The following C1orf141 variants were observed in gnomAD, a reference collection of about 807,000 sequenced individuals.
C1orf141 encodes uncharacterized protein C1orf141.
Under a neutral mutation model 23.2 loss-of-function variants are expected in C1orf141, and 19 were observed. That is an observed-to-expected ratio of 0.82 (90% confidence interval 0.57 to 1.20). C1orf141 has a LOEUF of 1.20. Among genes scored for constraint, C1orf141 ranks in the 50% most tolerant of loss-of-function variants. The pLI is 0.00. For missense variants in C1orf141, 469 were observed against 455.1 expected (o/e 1.03, Z -0.28); for synonymous variants, 153 against 154.6 (o/e 0.99, Z 0.08).
Position 67,093,591 on chromosome 1 carries a change from G to C in C1orf141, c.617C>G (p.Thr206Arg). ...TGTGTCATGGAAAATTATGGGATTT[G>C]TGTCCTTTTGTTCCTGTAGATTAAA... The part of the protein sequence containing the change: ...TVTSHMEQKD[T>R]NPIIFHDTEY... Residue 206 changes from threonine (T) to arginine (R), a missense_variant, in exon 8 of 8, where the codon ACA becomes AGA. Coordinates refer to ENST00000684719, the MANE Select transcript of C1orf141 (RefSeq NM_001276351.2). The C allele has an allele frequency of 1.3e-6, 2 of 1,563,334 alleles. No individual in the cohort carries two copies. The highest frequency in any genetic ancestry group is 1.7e-6 in the Non-Finnish European group (2 of 1,156,144).
intron 4 of C1orf141, chr1:67,123,745 T>C (rs1212093769): frequency 6.6e-6 from 1 of 152,180 alleles, no homozygotes; most frequent in Non-Finnish European, 1.5e-5. Context: ...GAGTCTGAGA[T>C]TTGACCCTAC....
chr1:67,134,094 C>T (rs1646557361), intron 1 of C1orf141, among the ~76,000 whole-genome samples: 1 of 152,196 alleles, frequency 6.6e-6, no homozygotes, highest in South Asian at 2.1e-4. Context: ...ACCTCCGCCT[C>T]CCAGGTTCAA....
chr1:67,118,249 AGCAAGAGATTCTTTTAG>A (rs1646233727), intron 4 of C1orf141, among the ~76,000 whole-genome samples: 1 of 152,192 alleles, frequency 6.6e-6, no homozygotes, highest in Non-Finnish European at 1.5e-5. Context: ...CAATACTTGG[AGCAAGAGATTCTTTTAG>A]GCCTTCAAAT....
intron 5 of C1orf141, among the ~76,000 whole-genome samples, chr1:67,113,973 CA>C (rs1334482211): frequency 6.6e-6 from 1 of 152,110 alleles, no homozygotes; most frequent in Non-Finnish European, 1.5e-5. Flanking sequence ...CCCAACATGC[CA>C]AGCCACTTTT....
At chr1:67,095,584 T>C (rs950051531) in intron 6 of C1orf141, 163 bp from the exon 7 acceptor site, 40 of 509,692 alleles carry the variant, frequency 7.8e-5, no homozygotes, top group Non-Finnish European at 3.4e-5. Flanking sequence ...GCCTGGTTTG[T>C]GGGAGAAAAC....
intron 4 of C1orf141, among the ~76,000 whole-genome samples, chr1:67,120,466 C>T (rs1030256249): frequency 1.3e-5 from 2 of 152,092 alleles, no homozygotes; most frequent in Non-Finnish European, 2.9e-5. Context: ...GGGTGGAATT[C>T]TACAGACTGA....
At chr1:67,100,913 C>T (rs1645782811) in intron 5 of C1orf141, among the ~76,000 whole-genome samples, 1 of 152,144 alleles carries the variant, frequency 6.6e-6, no homozygotes, top group African/African-American at 2.4e-5. Flanking sequence ...AAGTTTATTT[C>T]TGGGCACTGT....
rs909017630 is a variant in C1orf141, at chr1:67,111,718, C to G, written c.346+3634G>C. 36 of 569,590 alleles carry G rather than the reference C, an allele frequency of 6.3e-5. No individual in the cohort carries two copies. In the Admixed American group the frequency reaches 1.5e-3, roughly 23 times the overall value. 35.3% of individuals were successfully genotyped at this position (569,590 alleles called of 1,614,324 possible). A position where few individuals can be genotyped will look rare whatever the true frequency, so the allele number is the denominator to read the frequency against. ...TAAACCCAATCAACCATTTTCTCCA[C>G]TGCAGTAAACTTTTAAGAAATGTAA... On this transcript the variant is annotated intron_variant, in intron 5 of 7. Coordinates refer to ENST00000684719, the MANE Select transcript of C1orf141 (RefSeq NM_001276351.2).
intron 7 of C1orf141, chr1:67,094,402 A>G (rs72933963): frequency 0.1 from 15,308 of 152,286 alleles, 1,230 homozygotes; most frequent in African/African-American, 0.22. Flanking sequence ...AACCATGTTT[A>G]TCAGCTTCTT....
At chr1:67,096,413 C>A in intron 5 of C1orf141, 92 bp from the exon 6 acceptor site, 2 of 691,126 alleles carry the variant, frequency 2.9e-6, no homozygotes, top group South Asian at 1.9e-5. Context: ...TTTAAAATAA[C>A]ATATGGAAAG....
chr1:67,117,005 T>C (rs1646206673), intron 4 of C1orf141, among the ~76,000 whole-genome samples: 2 of 152,242 alleles, frequency 1.3e-5, no homozygotes, highest in South Asian at 4.1e-4. Context: ...TTTAGTTTAT[T>C]ATCTCTCTCC....
At chr1:67,129,673 A>T (rs997721506) in intron 2 of C1orf141, among the ~76,000 whole-genome samples, 5 of 152,194 alleles carry the variant, frequency 3.3e-5, no homozygotes, top group Admixed American at 2.6e-4. Flanking sequence ...AGGGCACAGA[A>T]CATCGCTCCA....
chr1:67,140,216 A>C (rs1646623449), intron 1 of C1orf141, among the ~76,000 whole-genome samples: 1 of 152,262 alleles, frequency 6.6e-6, no homozygotes, highest in African/African-American at 2.4e-5. Flanking sequence ...CTTACTATGC[A>C]TGCAAAAGCA....
intron 5 of C1orf141, among the ~76,000 whole-genome samples, chr1:67,100,128 A>T (rs1645764715): frequency 6.6e-6 from 1 of 152,170 alleles, no homozygotes; most frequent in Non-Finnish European, 1.5e-5. Context: ...TAAAATCAAG[A>T]TATAGAGTAT....
In C1orf141 at chr1:67,093,105, T is replaced by C. The variant is rs1645587804; in HGVS notation, c.1103A>G (p.Lys368Arg). 8.1e-6 allele frequency: 13 copies of C among 1,613,748 alleles called. No homozygotes were observed. Among genetic ancestry groups the C allele is most frequent in the Non-Finnish European group, 1.1e-5 (13 of 1,179,656 alleles). Reference protein sequence around the residue: ...SIPTSSALPVKCYSKPFKYIY... With the variant: ...SIPTSSALPVRCYSKPFKYIY... ...ATATTTAAAAGGCTTTGAGTAACAT[T>C]TGACAGGTAAGGCACTGGATGTGGG... The change falls in exon 8 of 8, where the codon AAA becomes AGA. Residue 368 changes from lysine to arginine, a missense_variant. Coordinates refer to ENST00000684719, the MANE Select transcript of C1orf141 (RefSeq NM_001276351.2).
At chr1:67,112,202 A>G (rs980335667) in intron 5 of C1orf141, among the ~76,000 whole-genome samples, 1 of 152,196 alleles carries the variant, frequency 6.6e-6, no homozygotes, top group Admixed American at 6.5e-5. Flanking sequence ...TCATTTGTTA[A>G]CTGGAAACAA....
rs1056774222 is a variant in C1orf141 at position 67,111,581 on chromosome 1, G to C, written c.346+3771C>G. 60 of 1,298,262 alleles carry C rather than the reference G, an allele frequency of 4.6e-5. No homozygotes were observed. In the Admixed American group the frequency reaches 1.6e-3, roughly 34 times the overall value. The allele number at this position is 1,298,262 out of a possible 1,614,324, so 80.4% of individuals were successfully genotyped here. On this transcript the variant is annotated intron_variant, in intron 5 of 7. Coordinates refer to ENST00000684719, the MANE Select transcript of C1orf141 (RefSeq NM_001276351.2). Reference sequence around the variant, plus strand: ...GAGTATACAAATTACACCTACCTCAGTTGTATCCTTAAGATAAAGATAGGG... The same window carrying C: ...GAGTATACAAATTACACCTACCTCACTTGTATCCTTAAGATAAAGATAGGG...
intron 7 of C1orf141, 84 bp from the exon 8 acceptor site, chr1:67,093,688 T>G: frequency 9.2e-7 from 1 of 1,083,722 alleles, no homozygotes; most frequent in Non-Finnish European, 1.3e-6. Context: ...TAAATAAAAT[T>G]GTAAAATATT....
chr1:67,101,470 G>GTGTGTGTA (rs1460532863), intron 5 of C1orf141, among the ~76,000 whole-genome samples: 1 of 151,106 alleles, frequency 6.6e-6, no homozygotes, highest in East Asian at 1.9e-4. Flanking sequence ...GTGTGTGTGT[G>GTGTGTGTA]TGTGTGTGTG....
Sources: allele counts gnomAD v4.1 joint callset (sites outside exome capture counted in the v4.1 genomes callset), GRCh38; gene constraint gnomAD v4.1.1; transcripts MANE v1.5; gene names NCBI Gene and HGNC (gene_info 2026-07-23, HGNC 2026-07-21).